The following DDX10 variants were observed in gnomAD, a reference collection of about 807,000 sequenced individuals.
DDX10 encodes probable ATP-dependent RNA helicase DDX10.
A neutral mutation model predicts 104.3 loss-of-function variants in DDX10; 74 were observed. That is an observed-to-expected ratio of 0.71 (90% CI 0.59 to 0.86). The LOEUF is 0.86. DDX10 is among the 40% of genes least tolerant of loss of function. The probability of loss-of-function intolerance (pLI) is 0.00; values close to 1 mark genes in which losing one functional copy is unlikely to be tolerated. For synonymous variants in DDX10, 351 were observed against 353.4 expected (o/e 0.99, Z 0.08); for missense variants, 952 against 1,040.0 (o/e 0.92, Z 1.16).
intron 2 of DDX10, among the ~76,000 whole-genome samples, chr11:108,674,568 T>TTG (rs2094221443): frequency 6.6e-6 from 1 of 151,990 alleles, no homozygotes; most frequent in South Asian, 2.1e-4. Context: ...TGCAGTGCAG[T>TTG]TGTGTGATCT....
At chr11:108,896,759 G>T (rs1381825050) in intron 16 of DDX10, among the ~76,000 whole-genome samples, 1 of 151,998 alleles carries the variant, frequency 6.6e-6, no homozygotes, top group Admixed American at 6.6e-5. Context: ...TTTTTATTGA[G>T]TGCCTTCCTT....
chr11:108,736,524 C>G (rs1240828835), intron 13 of DDX10, among the ~76,000 whole-genome samples: 1 of 152,098 alleles, frequency 6.6e-6, no homozygotes, highest in Non-Finnish European at 1.5e-5. Context: ...TTGAATGCAT[C>G]TCCTCCAAAA....
In DDX10 at chr11:108,677,044, T is replaced by G. The variant is rs749381055; in HGVS notation, c.379-41T>G. On this transcript the variant is annotated intron_variant, in intron 3 of 17. Coordinates refer to ENST00000322536, the MANE Select transcript of DDX10 (RefSeq NM_004398.4). ...TTGAGATGCAGGTCAAAAAGCTGAC[T>G]TCTGATGACTTACTGAACATGAATT... 8.9e-6 allele frequency: 14 copies of G among 1,570,728 alleles called. No homozygotes were observed. In the African/African-American group the frequency reaches 1.8e-4, roughly 20 times the overall value.
At chr11:108,743,346 C>A (rs2094327582) in intron 13 of DDX10, among the ~76,000 whole-genome samples, 1 of 152,094 alleles carries the variant, frequency 6.6e-6, no homozygotes, top group African/African-American at 2.4e-5. Flanking sequence ...ATGTTAAAAA[C>A]CCTCTAACTA....
At chr11:108,881,993 A>G (rs1052130573) in intron 16 of DDX10, among the ~76,000 whole-genome samples, 25 of 152,176 alleles carry the variant, frequency 1.6e-4, no homozygotes, top group African/African-American at 5.8e-4. Context: ...AACCAGTAGG[A>G]GATCCCTAAC....
chr11:108,758,097 C>T (rs186543289), intron 13 of DDX10, among the ~76,000 whole-genome samples: 6 of 152,036 alleles, frequency 3.9e-5, no homozygotes, highest in African/African-American at 1.2e-4. Context: ...CTAGTCATCC[C>T]CCTGCTCAAC....
chr11:108,694,519 C>T (rs189190956), intron 9 of DDX10, among the ~76,000 whole-genome samples: 2 of 152,304 alleles, frequency 1.3e-5, no homozygotes, highest in Admixed American at 1.3e-4. Flanking sequence ...TCTCCTTCTT[C>T]CTATACTCCC....
chr11:108,868,349 G>A (rs1303908627), intron 16 of DDX10: 1 of 151,940 alleles, frequency 6.6e-6, no homozygotes, highest in Non-Finnish European at 1.5e-5. Flanking sequence ...CTGTGGAAGA[G>A]TGAGGAGTTC....
At chr11:108,911,553 CTTCTTTTTTTTTTTTTTTTT>C (rs1328016268) in intron 16 of DDX10, among the ~76,000 whole-genome samples, 9 of 117,146 alleles carry the variant, frequency 7.7e-5, no homozygotes, top group East Asian at 2.5e-4. Context: ...TTTGCCTCCT[CTTCTTTTTTTTTTTTTTTTT>C]TTTTTTTTTT....
intron 17 of DDX10, among the ~76,000 whole-genome samples, chr11:108,936,553 A>G (rs142648593): frequency 6.6e-6 from 1 of 152,212 alleles, no homozygotes; most frequent in Non-Finnish European, 1.5e-5. Flanking sequence ...ACCTTTTTCT[A>G]TGCAAACTTA....
intron 17 of DDX10, among the ~76,000 whole-genome samples, chr11:108,936,951 C>T (rs962210650): frequency 6.6e-6 from 1 of 152,170 alleles, no homozygotes; most frequent in Non-Finnish European, 1.5e-5. Context: ...AAGATGCATA[C>T]AGTTGGAAAA....
chr11:108,677,821 C>G (rs955092446), intron 4 of DDX10, among the ~76,000 whole-genome samples: 2 of 151,664 alleles, frequency 1.3e-5, no homozygotes, highest in African/African-American at 2.4e-5. Flanking sequence ...GTACCTGTTG[C>G]CTAACTTTAA....
At chr11:108,864,583 C>T (rs1862983811) in intron 16 of DDX10, among the ~76,000 whole-genome samples, 2 of 152,054 alleles carry the variant, frequency 1.3e-5, no homozygotes, top group East Asian at 3.9e-4. Flanking sequence ...AAGCGATTCT[C>T]CTGCCTCAGC....
At position 108,917,859 on chromosome 11, in the gene DDX10, T is replaced by C; in HGVS notation, c.2305-14T>C. 5.0e-6 allele frequency: 8 copies of C among 1,607,430 alleles called. No individual in the cohort carries two copies. Among genetic ancestry groups the C allele is most frequent in the Non-Finnish European group, 6.8e-6 (8 of 1,178,696 alleles). ...ACTTCTTCAACTGCAGTTTCCCTTA[T>C]TATTATTTTTTAGGCCAAAGATGAA... is the stretch of plus-strand genomic sequence containing the variant. On this transcript the variant is annotated splice_polypyrimidine_tract_variant and intron_variant, in intron 16 of 17. Coordinates refer to ENST00000322536, the MANE Select transcript of DDX10 (RefSeq NM_004398.4).
intron 10 of DDX10, among the ~76,000 whole-genome samples, chr11:108,715,591 A>C (rs1051673514): frequency 6.6e-6 from 1 of 152,244 alleles, no homozygotes; most frequent in African/African-American, 2.4e-5. Context: ...ACTACTTTCT[A>C]TCTGTTGAGT....
chr11:108,782,555 T>G (rs1337751772), intron 13 of DDX10, among the ~76,000 whole-genome samples: 1 of 152,184 alleles, frequency 6.6e-6, no homozygotes, highest in Non-Finnish European at 1.5e-5. Flanking sequence ...TTTTTTAATG[T>G]TAATTTGTGT....
intron 13 of DDX10, among the ~76,000 whole-genome samples, chr11:108,779,746 TG>T: frequency 6.6e-6 from 1 of 152,336 alleles, no homozygotes; most frequent in East Asian, 1.9e-4. Context: ...TTCATTGTTT[TG>T]GAGTACCATT....
At chr11:108,675,571 AT>A (rs758398774) in intron 2 of DDX10, 24 bp from the exon 3 acceptor site, 3 of 1,610,828 alleles carry the variant, frequency 1.9e-6, no homozygotes, top group Non-Finnish European at 2.5e-6. Context: ...CTTCTAAAGT[AT>A]AATTCTTCCC....
chr11:108,685,554 C>G (rs938468549), intron 6 of DDX10, among the ~76,000 whole-genome samples: 3 of 152,168 alleles, frequency 2.0e-5, no homozygotes, highest in African/African-American at 7.2e-5. Flanking sequence ...CTTGGCTCCT[C>G]CCAAGGTTAT....
Sources: gnomAD v4.1 joint callset for allele counts (sites outside exome capture counted in the v4.1 genomes callset) on GRCh38, gnomAD v4.1.1 for gene constraint, MANE v1.5 for transcripts, NCBI Gene and HGNC (gene_info 2026-07-23, HGNC 2026-07-21) for gene names.